NIPBL: variants seen among roughly 807,000 people sequenced by gnomAD.
NIPBL encodes the protein NIPBL cohesin loading factor, also known as nipped-B-like protein.
NIPBL carries 19 observed loss-of-function variants against 321.8 expected under a neutral mutation model. The ratio of observed to expected loss-of-function variants is 0.06; its 90% confidence interval spans 0.04 to 0.09. The LOEUF is 0.09. NIPBL is among the 10% of genes least tolerant of loss of function. The pLI is 1.00. For missense variants in NIPBL, 2,210 were observed against 3,327.0 expected, an observed-to-expected ratio of 0.66 and a Z score of 8.26; for synonymous variants, 1,106 against 1,114.1, an observed-to-expected ratio of 0.99 and a Z score of 0.14.
At chr5:37,026,708 G>A (rs1440430511) in intron 31 of NIPBL, among the ~76,000 whole-genome samples, 1 of 151,978 alleles carries the variant, frequency 6.6e-6, no homozygotes. Flanking sequence ...TTTTTATTAT[G>A]CATAAGCTAT....
At position 37,063,986 on chromosome 5, in the gene NIPBL, G is replaced by A. The variant is rs761213319; in HGVS notation, c.8049+8G>A. 1.1e-5 allele frequency: 18 copies of A among 1,613,540 alleles called. No homozygotes were observed. Among genetic ancestry groups the A allele is most frequent in the Admixed American group, 8.3e-5 (5 of 59,934 alleles). On this transcript the variant is annotated splice_region_variant and intron_variant, in intron 46 of 46. Coordinates refer to ENST00000282516, the MANE Select transcript of NIPBL (RefSeq NM_133433.4). ...GGAGGAGGCACTTCAGGGGTGAGGC[G>A]GAGGAGGAGTCAACGTATTTCGCAG... is the stretch of plus-strand genomic sequence containing the variant.
Position 36,975,845 on chromosome 5 carries a change from A to G in NIPBL, c.938A>G (p.Asp313Gly), listed in dbSNP as rs1419053503. 3 of 1,612,762 alleles carry G rather than the reference A, an allele frequency of 1.9e-6. No homozygotes were observed. The highest frequency in any genetic ancestry group is 3.3e-5 in the Admixed American group (2 of 59,812). ...TCATCACCTCGAGATGTTCCACCAG[A>G]TATCTTGCTAGATTCTCCAGAAAGA... is the stretch of plus-strand genomic sequence containing the variant. Reference protein sequence around the residue: ...PCSSPRDVPPDILLDSPERKQ... With the variant: ...PCSSPRDVPPGILLDSPERKQ... Residue 313 changes from aspartate to glycine, a missense_variant, in exon 9 of 47, where the codon GAT becomes GGT. Physicochemically the swap from Asp to Gly is moderately conservative, Grantham distance 94 (BLOSUM62 -1). Around this residue, in one of 14 missense-constraint regions of NIPBL, gnomAD observed 464 missense variants for 529.5 expected, o/e 0.88. Transcript: ENST00000282516.
At chr5:37,016,230 C>T in intron 23 of NIPBL, 60 bp downstream of exon 23, 1 of 1,498,894 alleles carries the variant, frequency 6.7e-7, no homozygotes, top group Non-Finnish European at 9.3e-7. Flanking sequence ...TGAGGATGTA[C>T]TCTGATTCAC....
At position 37,063,976 on chromosome 5, in the gene NIPBL, G is replaced by T; in HGVS notation, c.8047G>T (p.Gly2683Trp). 2.5e-6 allele frequency: 4 copies of T among 1,613,946 alleles called. No homozygotes were observed. Among genetic ancestry groups the T allele is most frequent in the Non-Finnish European group, 3.4e-6 (4 of 1,179,992 alleles). Reference sequence around the variant, plus strand: ...GGAGGATAGAGGAGGAGGCACTTCAGGGGTGAGGCGGAGGAGGAGTCAACG... The same window carrying T: ...GGAGGATAGAGGAGGAGGCACTTCATGGGTGAGGCGGAGGAGGAGTCAACG... ...DGEDRGGGTSGSLRRSKRNSD... is the reference protein window; with the variant it reads ...DGEDRGGGTSWSLRRSKRNSD... Residue 2683 changes from glycine (G) to tryptophan (W), a missense_variant and splice_region_variant, in exon 46 of 47, where the codon GGG becomes TGG. Coordinates refer to ENST00000282516, the MANE Select transcript of NIPBL (RefSeq NM_133433.4).
At chr5:36,893,484 C>G (rs550296069) in intron 1 of NIPBL, among the ~76,000 whole-genome samples, 2 of 151,662 alleles carry the variant, frequency 1.3e-5, no homozygotes, top group Non-Finnish European at 2.9e-5. Context: ...TCAGAATCAC[C>G]TAGGGATTTT....
At chr5:37,022,982 G>A (rs1749823642) in intron 29 of NIPBL, among the ~76,000 whole-genome samples, 1 of 152,180 alleles carries the variant, frequency 6.6e-6, no homozygotes, top group Non-Finnish European at 1.5e-5. Flanking sequence ...ATTGGCATTA[G>A]GAAATATCTG....
chr5:37,020,081 G>A (rs1213183109), intron 25 of NIPBL, among the ~76,000 whole-genome samples: 5 of 152,166 alleles, frequency 3.3e-5, no homozygotes, highest in Non-Finnish European at 7.4e-5. Flanking sequence ...TTTGAAAACA[G>A]ATGAAGTCTT....
chr5:36,913,086 A>T (rs775334724), intron 1 of NIPBL, among the ~76,000 whole-genome samples: 2 of 152,172 alleles, frequency 1.3e-5, no homozygotes, highest in Non-Finnish European at 2.9e-5. Flanking sequence ...ACCAAATGCA[A>T]CCTGATTTGA....
chr5:36,976,843 A>G (rs1021119009), intron 9 of NIPBL, among the ~76,000 whole-genome samples: 4 of 152,128 alleles, frequency 2.6e-5, no homozygotes, highest in Non-Finnish European at 5.9e-5. Flanking sequence ...AGGCAGTTAG[A>G]TATTTCACTT....
intron 10 of NIPBL, chr5:36,995,365 AT>A (rs1387085992): frequency 3.1e-6 from 1 of 321,242 alleles, no homozygotes; most frequent in Non-Finnish European, 5.7e-6. Context: ...TCAAAAATGT[AT>A]TATATAATTA....
chr5:36,962,461 A>G (rs1191128801), intron 6 of NIPBL, among the ~76,000 whole-genome samples, 187 bp downstream of exon 6: 5 of 152,186 alleles, frequency 3.3e-5, no homozygotes, highest in East Asian at 1.9e-4. Context: ...AAAATTTGTC[A>G]TTTTAGGAGG....
Position 37,054,855 on chromosome 5 carries a change from TTGAC to T in NIPBL, c.7263+2292_7263+2295del, listed in dbSNP as rs1412789408. The stretch of plus-strand genomic sequence containing the variant: ...TGGGAAATAATGAATAGTTTGTTAT[TTGAC>T]TGGGGCAGAAAGGTCATAATGAGGA... On this transcript the variant is annotated intron_variant, in intron 42 of 46. Transcript: ENST00000282516. 2.0e-5 allele frequency among the ~76,000 whole-genome samples: 3 copies of T among 152,150 alleles called. No individual in the cohort carries two copies. The South Asian group carries it at 6.2e-4, about 32-fold the overall frequency.
At chr5:36,918,622 T>C (rs1748670992) in intron 1 of NIPBL, among the ~76,000 whole-genome samples, 2 of 152,166 alleles carry the variant, frequency 1.3e-5, no homozygotes, top group Non-Finnish European at 1.5e-5. Flanking sequence ...AAGGAATGCT[T>C]CCAGTTTTTG....
intron 9 of NIPBL, 44 bp downstream of exon 9, chr5:36,976,446 T>C (rs775183134): frequency 2.3e-5 from 36 of 1,594,654 alleles, no homozygotes; most frequent in South Asian, 1.0e-4. Flanking sequence ...TGGGCAAATA[T>C]GTAATTATAG....
intron 1 of NIPBL, among the ~76,000 whole-genome samples, chr5:36,930,367 A>T (rs531948524): frequency 1.3e-5 from 2 of 152,158 alleles, no homozygotes; most frequent in South Asian, 4.1e-4. Context: ...TTGCTAGAAT[A>T]TAGAAATACA....
intron 38 of NIPBL, among the ~76,000 whole-genome samples, chr5:37,047,834 T>C (rs1753137160): frequency 6.6e-6 from 1 of 152,168 alleles, no homozygotes; most frequent in Admixed American, 6.6e-5. Context: ...CAAATAAACA[T>C]TATATACAAA....
chr5:36,886,154 G>GC, intron 1 of NIPBL: 1 of 642,820 alleles, frequency 1.6e-6, no homozygotes, highest in Admixed American at 2.1e-5. Flanking sequence ...AAATCTGAAG[G>GC]CCAGCTTCTG....
At chr5:37,024,838 T>G (rs1750073718) in intron 30 of NIPBL, 119 bp downstream of exon 30, 1 of 765,548 alleles carries the variant, frequency 1.3e-6, no homozygotes, top group Non-Finnish European at 2.0e-6. Context: ...CGTTTATAGT[T>G]TATAAACTTA....
chr5:36,943,080 G>T (rs137958044), intron 1 of NIPBL, among the ~76,000 whole-genome samples: 2 of 151,818 alleles, frequency 1.3e-5, no homozygotes, highest in South Asian at 2.1e-4. Flanking sequence ...TTGTCATATT[G>T]TTTTTTCTCA....
Sources: allele counts gnomAD v4.1 joint callset (sites outside exome capture counted in the v4.1 genomes callset), GRCh38; gene constraint gnomAD v4.1.1; regional missense constraint gnomAD v4.1.1; transcripts MANE v1.5; gene names NCBI Gene and HGNC (gene_info 2026-07-23, HGNC 2026-07-21).